The following SMARCA2 variants were observed in gnomAD, a reference collection of about 807,000 sequenced individuals.
SMARCA2 encodes SWI/SNF related BAF chromatin remodeling complex subunit ATPase 2, also known as SWI/SNF-related matrix-associated actin-dependent regulator of chromatin subfamily A member 2.
A neutral mutation model predicts 199.8 loss-of-function variants in SMARCA2; 61 were observed. That is an observed-to-expected ratio of 0.31 (90% CI 0.25 to 0.38). SMARCA2 has a LOEUF of 0.38. Ranked by LOEUF, SMARCA2 falls within the 10% of genes least tolerant of loss-of-function variation. SMARCA2 has a pLI of 1.00. For missense variants in SMARCA2, 1,344 were observed against 2,012.2 expected (o/e 0.67, Z 6.35); for synonymous variants, 935 against 732.0 (o/e 1.28, Z -4.48).
chr9:2,180,926 T>G (rs546068943), intron 29 of SMARCA2, among the ~76,000 whole-genome samples: 1 of 152,196 alleles, frequency 6.6e-6, no homozygotes, highest in African/African-American at 2.4e-5. Context: ...TTCACCCAAA[T>G]TGCTCTACAC....
rs142692770 is a variant in SMARCA2 at position 2,106,091 on chromosome 9, C to T, written c.3292+1922C>T. Among the ~76,000 whole-genome samples, 996 of 152,282 alleles carry T rather than the reference C, an allele frequency of 6.5e-3. 10 individuals carry two copies. The highest frequency in any genetic ancestry group is 0.023 in the African/African-American group (951 of 41,550). On this transcript the variant is annotated intron_variant, in intron 23 of 33. Transcript: ENST00000349721. ...GACTCTGGGCCAAGCATTTCATGTGCATTATTAATTTGATTTTCTCAATAA... is the reference window on the plus strand; with the variant it reads ...GACTCTGGGCCAAGCATTTCATGTGTATTATTAATTTGATTTTCTCAATAA...
In SMARCA2 at chr9:2,170,365, C is replaced by T. The variant is rs772365964; in HGVS notation, c.4200-54C>T. 77 of 1,610,094 alleles carry T rather than the reference C, an allele frequency of 4.8e-5. No individual in the cohort carries two copies. Among genetic ancestry groups the T allele is most frequent in the Non-Finnish European group, 6.1e-5 (72 of 1,177,766 alleles). ...CCCAGCCTAGGAAGAAGGAGCCGGG[C>T]GGGGACGAGAACCCAGGTCTTCTGA... On this transcript the variant is annotated intron_variant, in intron 28 of 33. Transcript: ENST00000349721. The surrounding 1 kb of genome is among the most constrained non-coding windows in gnomAD (Gnocchi z 4.7).
At chr9:2,157,380 A>C (rs371583051) in intron 27 of SMARCA2, among the ~76,000 whole-genome samples, 8 of 152,152 alleles carry the variant, frequency 5.3e-5, no homozygotes, top group African/African-American at 1.9e-4. Flanking sequence ...CTTAACCTGC[A>C]TTCTTTAACG....
At chr9:2,099,881 C>G (rs532163076) in intron 21 of SMARCA2, among the ~76,000 whole-genome samples, 1 of 152,314 alleles carries the variant, frequency 6.6e-6, no homozygotes, top group Non-Finnish European at 1.5e-5. Flanking sequence ...ATTGACCCCT[C>G]TCTTTGGTTT....
At chr9:2,140,441 C>G (rs1329304252) in intron 27 of SMARCA2, among the ~76,000 whole-genome samples, 1 of 152,156 alleles carries the variant, frequency 6.6e-6, no homozygotes, top group Non-Finnish European at 1.5e-5. Context: ...TTAATAAGCC[C>G]AGCATAGGGG....
intron 6 of SMARCA2, among the ~76,000 whole-genome samples, chr9:2,055,198 T>A (rs978796614): frequency 6.6e-6 from 1 of 152,264 alleles, no homozygotes; most frequent in Non-Finnish European, 1.5e-5. Flanking sequence ...CATAAAGCAA[T>A]GTCTTATAGC....
chr9:2,117,659 G>C (rs1468240682), intron 25 of SMARCA2, among the ~76,000 whole-genome samples: 1 of 152,168 alleles, frequency 6.6e-6, no homozygotes, highest in Admixed American at 6.5e-5. Context: ...TGAGAATCAA[G>C]GAAGCCTGGA....
At chr9:2,018,216 G>A (rs996377244) in intron 1 of SMARCA2, among the ~76,000 whole-genome samples, 7 of 152,240 alleles carry the variant, frequency 4.6e-5, no homozygotes, top group Admixed American at 3.3e-4. Context: ...GGGAGTGGGG[G>A]TGTTGTGCAG....
intron 9 of SMARCA2, among the ~76,000 whole-genome samples, 175 bp from the exon 10 acceptor site, chr9:2,070,243 A>G (rs1165505766): frequency 6.6e-6 from 1 of 152,244 alleles, no homozygotes; most frequent in Non-Finnish European, 1.5e-5. Context: ...AGTTGCTAAT[A>G]AAATACATGT....
In SMARCA2 at chr9:2,115,754, G is replaced by T. The variant is rs1420759148; in HGVS notation, c.3457-68G>T. Reference sequence around the variant, plus strand: ...GAACCCTTCCATATTTCCCTCTGGGGTGGGGTCCGGTTTTGGATGCCTATG... The same window carrying T: ...GAACCCTTCCATATTTCCCTCTGGGTTGGGGTCCGGTTTTGGATGCCTATG... On this transcript the variant is annotated intron_variant, in intron 24 of 33. Coordinates refer to ENST00000349721, the MANE Select transcript of SMARCA2 (RefSeq NM_003070.5). This position sits in a 1 kb window ranked among gnomAD's most constrained non-coding sequence, Gnocchi z 6.0. 7.2e-6 allele frequency: 9 copies of T among 1,244,326 alleles called. No homozygotes were observed. The highest frequency in any genetic ancestry group is 9.3e-6 in the Non-Finnish European group (8 of 862,244). The allele number at this position is 1,244,326 out of a possible 1,614,324, so 77.1% of individuals were successfully genotyped here. A position where few individuals can be genotyped will look rare whatever the true frequency, so the allele number is the denominator to read the frequency against.
At chr9:2,029,312 C>A in intron 2 of SMARCA2, 65 bp downstream of exon 2, 1 of 1,550,418 alleles carries the variant, frequency 6.4e-7, no homozygotes, top group Non-Finnish European at 8.7e-7. Flanking sequence ...TTTCTGATAA[C>A]CCCATCCCCC....
In SMARCA2 at chr9:2,039,686, G is replaced by A. The variant is rs1819494924; in HGVS notation, c.576G>A (p.Leu192=). 1 of 1,613,924 alleles carries A rather than the reference G, an allele frequency of 6.2e-7. No homozygotes were observed. Among genetic ancestry groups the A allele is most frequent in the South Asian group, 1.1e-5 (1 of 91,080 alleles). ...LRAQILAYKM[L]ARGQPLPETL... ...CTCAGATTTTAGCTTATAAAATGCT[G>A]GCCCGAGGCCAGCCCCTCCCCGAAA... The change falls in exon 4 of 34, where the codon CTG becomes CTA. Residue 192 remains leucine (L), a synonymous_variant. Coordinates refer to ENST00000349721, the MANE Select transcript of SMARCA2 (RefSeq NM_003070.5). The surrounding 1 kb of genome is among the most constrained non-coding windows in gnomAD (Gnocchi z 4.8).
chr9:2,029,018 G>A lies in SMARCA2; in HGVS notation c.-5G>A, dbSNP rs10964468. The stretch of plus-strand genomic sequence containing the variant: ...TCTACTGACTGGCAGAGACAGGAGA[G>A]GTAGATGTCCACGCCCACAGACCCT... On this transcript the variant is annotated 5_prime_UTR_variant, in exon 2 of 34. Coordinates refer to ENST00000349721, the MANE Select transcript of SMARCA2 (RefSeq NM_003070.5). The A allele has an allele frequency of 0.098, 151,019 of 1,547,988 alleles. 8,722 individuals are homozygous for A. The highest frequency in any genetic ancestry group is 0.23 in the Admixed American group (11,461 of 50,070).
At chr9:2,147,064 C>G (rs565831386) in intron 27 of SMARCA2, among the ~76,000 whole-genome samples, 3 of 152,208 alleles carry the variant, frequency 2.0e-5, no homozygotes, top group South Asian at 2.1e-4. Context: ...TCTGACAGTT[C>G]CATACAGGCA....
At chr9:2,098,761 C>A (rs539324804) in intron 21 of SMARCA2, among the ~76,000 whole-genome samples, 44 of 152,168 alleles carry the variant, frequency 2.9e-4, no homozygotes, top group South Asian at 2.1e-3. Context: ...CATGGTGAAA[C>A]CCCGTCTAAA....
chr9:2,149,092 T>C (rs1362421761), intron 27 of SMARCA2, among the ~76,000 whole-genome samples: 1 of 151,106 alleles, frequency 6.6e-6, no homozygotes, highest in African/African-American at 2.4e-5. Context: ...AAGACATACC[T>C]GAGACTGGGA....
intron 23 of SMARCA2, among the ~76,000 whole-genome samples, chr9:2,105,411 A>AT: frequency 7.6e-6 from 1 of 130,814 alleles, no homozygotes; most frequent in African/African-American, 3.9e-5. Context: ...ACGCCCGGCT[A>AT]ATTTTTTTTT....
At chr9:2,075,598 A>G (rs1821288098) in intron 12 of SMARCA2, among the ~76,000 whole-genome samples, 1 of 152,242 alleles carries the variant, frequency 6.6e-6, no homozygotes, top group African/African-American at 2.4e-5. Flanking sequence ...TACAGTGGAC[A>G]TATATGGGGC....
In SMARCA2 at chr9:2,181,670, AAT is replaced by A; in HGVS notation, c.4355_4356del (p.Ile1452LysfsTer6). The A allele has an allele frequency of 7.1e-7, 1 of 1,401,604 alleles. No homozygotes were observed. The highest frequency in any genetic ancestry group is 1.0e-6 in the Non-Finnish European group (1 of 986,650). The allele number at this position is 1,401,604 out of a possible 1,614,324, so 86.8% of individuals were successfully genotyped here. On this transcript the variant is annotated frameshift_variant, in exon 30 of 34. Transcript: ENST00000349721. LOFTEE classifies it high-confidence loss of function. ...LIRKPVDFKK[I>X]KERIRNHKYR... Reference sequence around the variant, plus strand: ...TTAGGAAGCCAGTGGATTTCAAAAAAATAAAGGTAGATATTTTGTTTACCAAC... The same window carrying A: ...TTAGGAAGCCAGTGGATTTCAAAAAAAAAGGTAGATATTTTGTTTACCAAC...
Sources: gnomAD v4.1 joint callset for allele counts (sites outside exome capture counted in the v4.1 genomes callset) on GRCh38, gnomAD v4.1.1 for gene constraint, Gnocchi (gnomAD v3.1) non-coding constraint, MANE v1.5 for transcripts, NCBI Gene and HGNC (gene_info 2026-07-23, HGNC 2026-07-21) for gene names.